Variants in SPAG16 observed in about 807,000 individuals in gnomAD.
SPAG16 encodes sperm-associated antigen 16 protein.
A neutral mutation model predicts 80.4 loss-of-function variants in SPAG16; 86 were observed. The ratio of observed to expected loss-of-function variants is 1.07; its 90% confidence interval spans 0.90 to 1.28. SPAG16 has a LOEUF of 1.28. Ranked by LOEUF, SPAG16 falls within the 50% of genes most tolerant of loss-of-function variation. The pLI, the probability that SPAG16 is intolerant of heterozygous loss-of-function variation, is 0.00. For synonymous variants in SPAG16, 294 were observed against 265.9 expected (o/e 1.11, Z -1.03); for missense variants, 870 against 765.3 (o/e 1.14, Z -1.61).
chr2:214,017,381 G>T (rs558942625), intron 13 of SPAG16, among the ~76,000 whole-genome samples: 2 of 152,186 alleles, frequency 1.3e-5, no homozygotes, highest in African/African-American at 4.8e-5. Flanking sequence ...ATTGGTAGAG[G>T]AATATCCATA....
At chr2:213,853,512 C>T (rs2075010576) in intron 10 of SPAG16, among the ~76,000 whole-genome samples, 1 of 152,138 alleles carries the variant, frequency 6.6e-6, no homozygotes, top group Admixed American at 6.6e-5. Flanking sequence ...TTTAACAAAA[C>T]ATTTTATGGA....
chr2:213,467,446 G>T (rs2072761598), intron 9 of SPAG16, among the ~76,000 whole-genome samples: 1 of 152,202 alleles, frequency 6.6e-6, no homozygotes, highest in East Asian at 1.9e-4. Context: ...CTCCTGGCAT[G>T]ATTTAAAAGG....
At chr2:213,365,314 A>G (rs1278636415) in intron 8 of SPAG16, 1 of 152,240 alleles carries the variant, frequency 6.6e-6, no homozygotes, top group Non-Finnish European at 1.5e-5. Context: ...AGAAAGTGCT[A>G]AAGTAGATAC....
At chr2:213,311,749 T>C (rs1303602047) in intron 4 of SPAG16, among the ~76,000 whole-genome samples, 2 of 151,590 alleles carry the variant, frequency 1.3e-5, no homozygotes, top group East Asian at 3.9e-4. Context: ...TAGAAAACTT[T>C]ACCTATTCTA....
intron 10 of SPAG16, among the ~76,000 whole-genome samples, chr2:213,670,596 T>C (rs2063780356): frequency 6.6e-6 from 1 of 152,126 alleles, no homozygotes; most frequent in African/African-American, 2.4e-5. Context: ...ATATTTATTA[T>C]GTTTCAAATG....
At chr2:213,391,315 A>T (rs2067739751) in intron 9 of SPAG16, among the ~76,000 whole-genome samples, 1 of 152,190 alleles carries the variant, frequency 6.6e-6, no homozygotes, top group South Asian at 2.1e-4. Context: ...TAAGGGAAAA[A>T]AATATTTTAG....
intron 10 of SPAG16, among the ~76,000 whole-genome samples, chr2:213,633,251 G>A (rs2062225227): frequency 6.6e-6 from 1 of 151,972 alleles, no homozygotes; most frequent in African/African-American, 2.4e-5. Flanking sequence ...CCAATATGTT[G>A]GCATATAGTT....
At chr2:214,232,744 T>C (rs920256319) in intron 15 of SPAG16, among the ~76,000 whole-genome samples, 3 of 152,050 alleles carry the variant, frequency 2.0e-5, no homozygotes, top group Non-Finnish European at 4.4e-5. Flanking sequence ...ATATTTAGTG[T>C]CATCCTGCTT....
intron 10 of SPAG16, among the ~76,000 whole-genome samples, chr2:213,522,814 T>TAA (rs1553555187): frequency 1.0e-4 from 15 of 148,636 alleles, no homozygotes; most frequent in Admixed American, 6.8e-4. Context: ...TATATATATA[T>TAA]AACAAACTTA....
chr2:213,648,013 A>G (rs2125136170), intron 10 of SPAG16, among the ~76,000 whole-genome samples: 1 of 152,294 alleles, frequency 6.6e-6, no homozygotes, highest in East Asian at 1.9e-4. Context: ...ACTCTCTTAA[A>G]TATTCTTTTA....
chr2:214,048,329 G>A (rs1232481194), intron 13 of SPAG16, among the ~76,000 whole-genome samples: 1 of 152,002 alleles, frequency 6.6e-6, no homozygotes, highest in Non-Finnish European at 1.5e-5. Context: ...ACAGATGACT[G>A]GACAAAGAAA....
chr2:213,957,581 C>A (rs745540292), intron 12 of SPAG16, among the ~76,000 whole-genome samples: 7 of 151,788 alleles, frequency 4.6e-5, no homozygotes, highest in Non-Finnish European at 1.0e-4. Flanking sequence ...AGAGTTTAAT[C>A]CATTTAATTT....
chr2:214,262,461 TA>T (rs1320721543), intron 15 of SPAG16, among the ~76,000 whole-genome samples: 6 of 152,056 alleles, frequency 3.9e-5, no homozygotes, highest in African/African-American at 1.4e-4. Context: ...AATAATGTGA[TA>T]TTTATGTTTT....
chr2:214,095,669 G>A (rs1044451218), intron 13 of SPAG16, among the ~76,000 whole-genome samples: 3 of 151,966 alleles, frequency 2.0e-5, no homozygotes, highest in Admixed American at 6.6e-5. Flanking sequence ...ATGAAAACTT[G>A]TATTGGCTTC....
intron 10 of SPAG16, among the ~76,000 whole-genome samples, chr2:213,767,070 C>T (rs2068973852): frequency 1.3e-5 from 2 of 152,192 alleles, no homozygotes; most frequent in Admixed American, 6.5e-5. Context: ...CGTTTATCAT[C>T]CCTTACATTC....
intron 10 of SPAG16, among the ~76,000 whole-genome samples, chr2:213,653,184 G>A (rs533783077): frequency 6.6e-6 from 1 of 152,142 alleles, no homozygotes; most frequent in African/African-American, 2.4e-5. Flanking sequence ...TTAGCTTCAT[G>A]TGCAAACGAC....
chr2:213,907,741 CGTTATGTAAA>C (rs2077489940), intron 11 of SPAG16, among the ~76,000 whole-genome samples: 1 of 151,910 alleles, frequency 6.6e-6, no homozygotes, highest in African/African-American at 2.4e-5. Flanking sequence ...GCCTGGAGGA[CGTTATGTAAA>C]GTGAAATAAA....
intron 14 of SPAG16, among the ~76,000 whole-genome samples, 178 bp downstream of exon 14, chr2:214,108,439 T>TCA (rs71037342): frequency 0.024 from 3,045 of 125,058 alleles, 43 homozygotes; most frequent in African/African-American, 0.047. Flanking sequence ...ATTTTAAAAT[T>TCA]CACACACACA....
At chr2:213,896,261 A>G (rs775691321) in intron 11 of SPAG16, among the ~76,000 whole-genome samples, 14 of 152,116 alleles carry the variant, frequency 9.2e-5, no homozygotes, top group Non-Finnish European at 1.8e-4. Flanking sequence ...TGCACCTGCT[A>G]AAATGGCTTT....
Sources: allele counts gnomAD v4.1 joint callset (sites outside exome capture counted in the v4.1 genomes callset), GRCh38; gene constraint gnomAD v4.1.1; transcripts MANE v1.5; gene names NCBI Gene and HGNC (gene_info 2026-07-23, HGNC 2026-07-21).